Variants in PUS7L observed in about 807,000 individuals in gnomAD.
The protein encoded by PUS7L is pseudouridylate synthase PUS7L.
PUS7L carries 49 observed loss-of-function variants against 51.1 expected under a neutral mutation model. The ratio of observed to expected loss-of-function variants is 0.96; its 90% CI spans 0.76 to 1.22. PUS7L has a LOEUF of 1.22. Ranked by LOEUF, PUS7L falls within the 50% of genes most tolerant of loss-of-function variation. The pLI, the probability that PUS7L is intolerant of heterozygous loss-of-function variation, is 0.00. For missense variants in PUS7L, 828 were observed against 820.6 expected (o/e 1.01, Z -0.11); for synonymous variants, 277 against 276.2 (o/e 1.00, Z -0.03).
In PUS7L at chr12:43,729,884, A is replaced by G. The variant is rs1435467177; in HGVS notation, c.*492T>C. 1 of 154,922 alleles carries G rather than the reference A, an allele frequency of 6.5e-6. No homozygotes were observed. The highest frequency in any genetic ancestry group is 1.4e-5 in the Non-Finnish European group (1 of 69,770). 9.6% of individuals were successfully genotyped at this position (154,922 alleles called of 1,614,324 possible). Reference sequence around the variant, plus strand: ...TATCTATCACAAACAGAGGTATGGCATTTCCCTTGTATATTGTTCTGATCA... The same window carrying G: ...TATCTATCACAAACAGAGGTATGGCGTTTCCCTTGTATATTGTTCTGATCA... On this transcript the variant is annotated 3_prime_UTR_variant, in exon 9 of 9. Transcript: ENST00000344862.
chr12:43,753,147 C>T (rs1938536650), intron 2 of PUS7L, among the ~76,000 whole-genome samples: 2 of 152,094 alleles, frequency 1.3e-5, no homozygotes, highest in Non-Finnish European at 2.9e-5. Context: ...TATTGTTTTT[C>T]CTTCAAAATG....
chr12:43,754,396 C>CT lies in PUS7L; in HGVS notation c.849dup (p.Ala284SerfsTer11), dbSNP rs781582399. 3 of 1,611,876 alleles carry CT rather than the reference C, an allele frequency of 1.9e-6. No homozygotes were observed. The East Asian group carries it at 6.7e-5, about 36-fold the overall frequency. On this transcript the variant is annotated frameshift_variant, in exon 2 of 9. Coordinates refer to ENST00000344862, the MANE Select transcript of PUS7L (RefSeq NM_031292.5). LOFTEE classifies it high-confidence loss of function. ...AGAGGCCTTTTCCCACGTTTGTGTG[C>CT]TTTTTCCCGAAATCTTACTGTTACC... is the stretch of plus-strand genomic sequence containing the variant.
chr12:43,729,520 A>G lies in PUS7L; in HGVS notation c.*856T>C, dbSNP rs2137654821. The G allele has an allele frequency of 3.7e-6, 1 of 273,178 alleles. No homozygotes were observed. The highest frequency in any genetic ancestry group is 6.8e-6 in the Non-Finnish European group (1 of 146,244). The allele number at this position is 273,178 out of a possible 1,614,324, so 16.9% of individuals were successfully genotyped here. On this transcript the variant is annotated 3_prime_UTR_variant, in exon 9 of 9. Transcript: ENST00000344862. ...ATGTGGGATAGTTAAACCAACAAAA[A>G]TTAAAATTTTCAAATGGGCACAATG...
chr12:43,748,867 G>A (rs749617705), intron 2 of PUS7L, among the ~76,000 whole-genome samples: 5 of 151,984 alleles, frequency 3.3e-5, no homozygotes, highest in Non-Finnish European at 5.9e-5. Context: ...GGGACTACAG[G>A]TACACACCAC....
Position 43,730,786 on chromosome 12 carries a change from G to A in PUS7L, c.1780-84C>T, listed in dbSNP as rs79600741. On this transcript the variant is annotated intron_variant, in intron 8 of 8. Transcript: ENST00000344862. The stretch of plus-strand genomic sequence containing the variant: ...ATTTTTAATGTACTTTTATGACTGC[G>A]ACCTGGATTTGTAAAAATAGTCTCA... 3,148 of 850,770 alleles carry A rather than the reference G, an allele frequency of 3.7e-3. 67 individuals are homozygous for A. In the African/African-American group the frequency reaches 0.046, roughly 13 times the overall value. The allele number at this position is 850,770 out of a possible 1,614,324, so 52.7% of individuals were successfully genotyped here.
At chr12:43,747,650 C>A (rs556801957) in intron 3 of PUS7L, among the ~76,000 whole-genome samples, 8 of 151,874 alleles carry the variant, frequency 5.3e-5, no homozygotes, top group African/African-American at 1.2e-4. Flanking sequence ...GCCAAGATTG[C>A]GTGTTGCACT....
At chr12:43,756,151 T>C (rs1938690015) in intron 1 of PUS7L, among the ~76,000 whole-genome samples, 1 of 152,198 alleles carries the variant, frequency 6.6e-6, no homozygotes, top group Non-Finnish European at 1.5e-5. Flanking sequence ...AAATCACACC[T>C]TCTCAATCCT....
intron 6 of PUS7L, among the ~76,000 whole-genome samples, chr12:43,737,643 G>C (rs1937675141): frequency 6.6e-6 from 1 of 151,316 alleles, no homozygotes; most frequent in Non-Finnish European, 1.5e-5. Context: ...TACACGCAAG[G>C]CATTATTCCA....
At chr12:43,734,319 T>G (rs1043648717) in intron 7 of PUS7L, among the ~76,000 whole-genome samples, 8 of 152,050 alleles carry the variant, frequency 5.3e-5, no homozygotes, top group African/African-American at 1.9e-4. Flanking sequence ...CCACCAAAGG[T>G]GTAAGCTAGA....
intron 1 of PUS7L, 40 bp downstream of exon 1, chr12:43,758,682 CACACACAT>C (rs1472138689): frequency 3.3e-6 from 3 of 922,814 alleles, no homozygotes; most frequent in African/African-American, 2.0e-5. Context: ...CACACACACA[CACACACAT>C]ACAAGCCCAC....
Position 43,728,476 on chromosome 12 carries a change from G to A in PUS7L, c.*1900C>T, listed in dbSNP as rs1447281260. The A allele has an allele frequency of 6.6e-6, 1 of 151,732 alleles. No individual in the cohort carries two copies. The highest frequency in any genetic ancestry group is 1.5e-5 in the Non-Finnish European group (1 of 67,910). The allele number at this position is 151,732 out of a possible 1,614,324, so 9.4% of individuals were successfully genotyped here. A position where few individuals can be genotyped will look rare whatever the true frequency, so the allele number is the denominator to read the frequency against. On this transcript the variant is annotated 3_prime_UTR_variant, in exon 9 of 9. Coordinates refer to ENST00000344862, the MANE Select transcript of PUS7L (RefSeq NM_031292.5). ...TTTTATGATTACATTTATAGGATACGATTTATCATATAAAATAAAACATTT... is the reference window on the plus strand; with the variant it reads ...TTTTATGATTACATTTATAGGATACAATTTATCATATAAAATAAAACATTT...
chr12:43,732,506 T>C (rs1001219239), intron 7 of PUS7L, among the ~76,000 whole-genome samples: 2 of 151,996 alleles, frequency 1.3e-5, no homozygotes, highest in African/African-American at 4.8e-5. Flanking sequence ...ATTTGTTTCA[T>C]AGAATGGTAA....
At chr12:43,756,543 T>G (rs886711814) in intron 1 of PUS7L, among the ~76,000 whole-genome samples, 2 of 152,224 alleles carry the variant, frequency 1.3e-5, no homozygotes, top group African/African-American at 2.4e-5. Context: ...CATTCACTGA[T>G]CTCTGGCTCA....
chr12:43,747,046 T>C (rs117537735), intron 3 of PUS7L, among the ~76,000 whole-genome samples: 4 of 152,358 alleles, frequency 2.6e-5, no homozygotes, highest in Non-Finnish European at 5.9e-5. Context: ...TATAAGAGCT[T>C]AGAAGCACTC....
chr12:43,748,935 G>A (rs1006392438), intron 2 of PUS7L, among the ~76,000 whole-genome samples: 15 of 152,114 alleles, frequency 9.9e-5, no homozygotes, highest in Non-Finnish European at 1.9e-4. Context: ...CTTTGGCCAG[G>A]ATGGTCTCGA....
chr12:43,752,691 G>C (rs1301864177), intron 2 of PUS7L, among the ~76,000 whole-genome samples: 1 of 152,120 alleles, frequency 6.6e-6, no homozygotes, highest in Non-Finnish European at 1.5e-5. Context: ...CTAATCCATA[G>C]AGACAGAATG....
At chr12:43,734,283 G>C (rs933262483) in intron 7 of PUS7L, among the ~76,000 whole-genome samples, 1 of 152,170 alleles carries the variant, frequency 6.6e-6, no homozygotes, top group Non-Finnish European at 1.5e-5. Context: ...TGAGAAATAA[G>C]CCTAGAGTCG....
intron 1 of PUS7L, among the ~76,000 whole-genome samples, chr12:43,756,520 G>C (rs1047971598): frequency 6.6e-6 from 1 of 152,178 alleles, no homozygotes; most frequent in Admixed American, 6.5e-5. Flanking sequence ...CGGATCCCCA[G>C]ACAACTCTGC....
At position 43,738,470 on chromosome 12, in the gene PUS7L, G is replaced by A. The variant is rs190256922; in HGVS notation, c.1363-79C>T. 2.8e-3 allele frequency: 2,170 copies of A among 774,148 alleles called. 13 individuals carry two copies. The highest frequency in any genetic ancestry group is 4.9e-3 in the Middle Eastern group (20 of 4,052). 48.0% of individuals were successfully genotyped at this position (774,148 alleles called of 1,614,324 possible). On this transcript the variant is annotated intron_variant, in intron 5 of 8. Coordinates refer to ENST00000344862, the MANE Select transcript of PUS7L (RefSeq NM_031292.5). ...TTTAAAAAAAGATGCAAATTCTCTA[G>A]CATCCTAAAAGAATAGGGATTTAAT...
Sources: gnomAD v4.1 joint callset for allele counts (sites outside exome capture counted in the v4.1 genomes callset) on GRCh38, gnomAD v4.1.1 for gene constraint, MANE v1.5 for transcripts, NCBI Gene and HGNC (gene_info 2026-07-23, HGNC 2026-07-21) for gene names.